COG5: variants seen among roughly 807,000 people sequenced by gnomAD.
COG5 encodes conserved oligomeric Golgi complex subunit 5.
In COG5, 86 loss-of-function variants were observed where a neutral mutation model predicts 110.4. The ratio of observed to expected loss-of-function variants is 0.78; its 90% CI spans 0.65 to 0.93. The LOEUF (loss-of-function observed/expected upper bound fraction) is 0.93. Ranked by LOEUF, COG5 falls within the 40% of genes least tolerant of loss-of-function variation. COG5 has a pLI of 0.00. For missense variants in COG5, 1,077 were observed against 987.0 expected, an observed-to-expected ratio of 1.09 and a Z score of -1.22; for synonymous variants, 360 against 334.6, an observed-to-expected ratio of 1.08 and a Z score of -0.83.
rs1798483461 is a variant in COG5, at chr7:107,203,174, C to T, written c.*342G>A. ...GGGGGAAGCAGGGTACATGTTATAA[C>T]TTGATCATATCCCTTTAAAAGAAGT... On this transcript the variant is annotated 3_prime_UTR_variant, in exon 22 of 22. Transcript: ENST00000297135. 3.0e-6 allele frequency: 1 copy of T among 333,998 alleles called. No homozygotes were observed. The highest frequency in any genetic ancestry group is 5.8e-6 in the Non-Finnish European group (1 of 173,882). 20.7% of individuals were successfully genotyped at this position (333,998 alleles called of 1,614,324 possible).
At chr7:107,322,355 C>A (rs1476375130) in intron 11 of COG5, among the ~76,000 whole-genome samples, 1 of 152,160 alleles carries the variant, frequency 6.6e-6, no homozygotes, top group African/African-American at 2.4e-5. Context: ...AGGCCCTCAC[C>A]AAATACTAAA....
chr7:107,302,664 A>G (rs192747587), intron 11 of COG5, among the ~76,000 whole-genome samples: 1 of 152,330 alleles, frequency 6.6e-6, no homozygotes. Flanking sequence ...CGGCATGCCA[A>G]TAATGCAAGG....
intron 14 of COG5, among the ~76,000 whole-genome samples, chr7:107,275,633 G>A (rs778223388): frequency 1.6e-4 from 25 of 151,924 alleles, no homozygotes; most frequent in Non-Finnish European, 3.1e-4. Context: ...TAAGCTCACT[G>A]CAACCTCCGC....
chr7:107,334,391 A>T (rs986127828), intron 10 of COG5, among the ~76,000 whole-genome samples: 13 of 152,334 alleles, frequency 8.5e-5, no homozygotes, highest in African/African-American at 3.1e-4. Context: ...TTATAAAAAA[A>T]ACTTCCAAAA....
In COG5 at chr7:107,372,595, C is replaced by A; in HGVS notation, c.835G>T (p.Gly279Trp). ...LTQPSQSAVR[G>W]GPGRSTMPTP... ...AGCTAAATATAAACCACATCCATACCTCTCACAGCTGACTGGGAAGGCTGA... is the reference window on the plus strand; with the variant it reads ...AGCTAAATATAAACCACATCCATACATCTCACAGCTGACTGGGAAGGCTGA... The change falls in exon 8 of 22, where the codon GGG (glycine) becomes TGG (tryptophan). Residue 279 changes from glycine (G) to tryptophan (W), a missense_variant and splice_region_variant. By Grantham distance (184) the Gly-to-Trp change is radical (BLOSUM62 -2). Transcript: ENST00000297135. The A allele has an allele frequency of 1.2e-6, 2 of 1,613,210 alleles. No individual in the cohort carries two copies. Among genetic ancestry groups the A allele is most frequent in the South Asian group, 1.1e-5 (1 of 91,050 alleles).
At chr7:107,467,051 G>A (rs192433832) in intron 6 of COG5, among the ~76,000 whole-genome samples, 52 of 152,216 alleles carry the variant, frequency 3.4e-4, no homozygotes, top group African/African-American at 1.3e-3. Context: ...TCATAGTCAC[G>A]GTTGTCAAAA....
chr7:107,379,672 AAAAGAC>A (rs922453867), intron 7 of COG5, among the ~76,000 whole-genome samples: 3 of 152,184 alleles, frequency 2.0e-5, no homozygotes, highest in African/African-American at 7.2e-5. Flanking sequence ...CAAAGATAAA[AAAAGAC>A]AAAGAAGCGC....
chr7:107,268,762 T>C (rs1191124564), intron 14 of COG5, among the ~76,000 whole-genome samples: 1 of 152,238 alleles, frequency 6.6e-6, no homozygotes, highest in African/African-American at 2.4e-5. Flanking sequence ...GTTTTTTGAC[T>C]TAAGGTCTAT....
At chr7:107,317,883 T>G (rs1038065901) in intron 11 of COG5, among the ~76,000 whole-genome samples, 2 of 152,222 alleles carry the variant, frequency 1.3e-5, no homozygotes, top group Admixed American at 6.5e-5. Flanking sequence ...GAGTTCAACT[T>G]ACTTATTGTT....
intron 19 of COG5, among the ~76,000 whole-genome samples, chr7:107,225,578 A>G (rs2116349399): frequency 6.6e-6 from 1 of 152,284 alleles, no homozygotes; most frequent in Admixed American, 6.5e-5. Flanking sequence ...GCAATGACCC[A>G]ATCACAGCTC....
chr7:107,294,928 T>TAC (rs1562955321), intron 12 of COG5, among the ~76,000 whole-genome samples: 1 of 106,144 alleles, frequency 9.4e-6, no homozygotes, highest in East Asian at 2.9e-4. Context: ...TGTGTGTATA[T>TAC]ATACACACAC....
intron 10 of COG5, among the ~76,000 whole-genome samples, chr7:107,332,444 T>C (rs966710141): frequency 2.6e-5 from 4 of 152,142 alleles, no homozygotes; most frequent in Non-Finnish European, 5.9e-5. Flanking sequence ...GTCCTATACT[T>C]GGGTTCTATA....
At chr7:107,433,311 G>C (rs904629347) in intron 6 of COG5, among the ~76,000 whole-genome samples, 2 of 152,082 alleles carry the variant, frequency 1.3e-5, no homozygotes, top group African/African-American at 4.8e-5. Context: ...AATCCCAACA[G>C]CATTTTGTGT....
intron 6 of COG5, among the ~76,000 whole-genome samples, chr7:107,422,467 C>T (rs1793364585): frequency 6.6e-6 from 1 of 152,034 alleles, no homozygotes. Flanking sequence ...GCGGAGGTTG[C>T]AGTGAGCTGT....
At chr7:107,225,717 T>C (rs1275090909) in intron 19 of COG5, among the ~76,000 whole-genome samples, 2 of 152,202 alleles carry the variant, frequency 1.3e-5, no homozygotes, top group Non-Finnish European at 2.9e-5. Flanking sequence ...TTTGCCATGT[T>C]GCTGAGGCTA....
At chr7:107,332,421 A>G (rs1810333372) in intron 10 of COG5, among the ~76,000 whole-genome samples, 1 of 152,216 alleles carries the variant, frequency 6.6e-6, no homozygotes, top group Non-Finnish European at 1.5e-5. Flanking sequence ...TGGCAGGTAC[A>G]TAGGTATTCA....
At chr7:107,310,219 C>T (rs1442110780) in intron 11 of COG5, among the ~76,000 whole-genome samples, 4 of 152,140 alleles carry the variant, frequency 2.6e-5, no homozygotes, top group Non-Finnish European at 5.9e-5. Context: ...CCAGACAATC[C>T]AACACGAGCA....
At chr7:107,313,538 C>T (rs943017019) in intron 11 of COG5, among the ~76,000 whole-genome samples, 1 of 152,150 alleles carries the variant, frequency 6.6e-6, no homozygotes, top group Non-Finnish European at 1.5e-5. Flanking sequence ...ATTGGTCTCA[C>T]TGAGCCAAAA....
chr7:107,273,710 TG>T (rs1330446220), intron 14 of COG5, among the ~76,000 whole-genome samples: 1 of 152,104 alleles, frequency 6.6e-6, no homozygotes, highest in African/African-American at 2.4e-5. Flanking sequence ...AAGATTCAAT[TG>T]CTCAATTTCT....
Sources: gnomAD v4.1 joint callset for allele counts (sites outside exome capture counted in the v4.1 genomes callset) on GRCh38, gnomAD v4.1.1 for gene constraint, MANE v1.5 for transcripts, NCBI Gene and HGNC (gene_info 2026-07-23, HGNC 2026-07-21) for gene names.